The following RNF167 variants were observed in gnomAD, a reference collection of about 807,000 sequenced individuals.
The protein encoded by RNF167 is E3 ubiquitin-protein ligase RNF167.
A neutral mutation model predicts 34.8 loss-of-function variants in RNF167; 19 were observed. The ratio of observed to expected loss-of-function variants is 0.55; its 90% confidence interval spans 0.38 to 0.80. RNF167 has a LOEUF of 0.80. Among genes scored for constraint, RNF167 ranks in the 30% least tolerant of loss-of-function variants. RNF167 has a pLI of 0.00. For synonymous variants in RNF167, 200 were observed against 170.4 expected, an observed-to-expected ratio of 1.17 and a Z score of -1.35; for missense variants, 464 against 447.0, an observed-to-expected ratio of 1.04 and a Z score of -0.34.
chr17:4,944,486 A>G, intron 8 of RNF167, 72 bp from the exon 9 acceptor site: 1 of 1,510,292 alleles, frequency 6.6e-7, no homozygotes, highest in Non-Finnish European at 8.8e-7. Context: ...AAATTTTTGC[A>G]AGGCTTTAAA....
chr17:4,940,134 G>C, upstream of RNF167: 1 of 423,238 alleles, frequency 2.4e-6, no homozygotes, highest in Non-Finnish European at 4.1e-6. Flanking sequence ...GAGAAGGGGC[G>C]TAACTGATTT....
rs201846525 is a variant in RNF167 at position 4,942,907 on chromosome 17, G to A, written c.436G>A (p.Glu146Lys). The change falls in exon 6 of 10, where the codon GAG becomes AAG. Residue 146 changes from glutamate (E) to lysine (K), a missense_variant. Transcript: ENST00000262482. Reference protein sequence around the residue: ...PSVFIGERSSEYLRALFVYEK... With the variant: ...PSVFIGERSSKYLRALFVYEK... ...TGTATTTATTGGGGAGAGAAGCTCCGAGTACCTGCGTGCCCTCTTTGTCTA... is the reference window on the plus strand; with the variant it reads ...TGTATTTATTGGGGAGAGAAGCTCCAAGTACCTGCGTGCCCTCTTTGTCTA... 8.2e-5 allele frequency: 132 copies of A among 1,614,142 alleles called. No homozygotes were observed. The highest frequency in any genetic ancestry group is 3.1e-4 in the East Asian group (14 of 44,882).
In RNF167 at chr17:4,942,906, C is replaced by A. The variant is rs138467394; in HGVS notation, c.435C>A (p.Ser145=). The change falls in exon 6 of 10, where the codon TCC becomes TCA. Residue 145 remains serine, a synonymous_variant. Coordinates refer to ENST00000262482, the MANE Select transcript of RNF167 (RefSeq NM_015528.3). ...IPSVFIGERS[S]EYLRALFVYE... ...CTGTATTTATTGGGGAGAGAAGCTCCGAGTACCTGCGTGCCCTCTTTGTCT... is the reference window on the plus strand; with the variant it reads ...CTGTATTTATTGGGGAGAGAAGCTCAGAGTACCTGCGTGCCCTCTTTGTCT... 2.5e-6 allele frequency: 4 copies of A among 1,614,118 alleles called. No individual in the cohort carries two copies. In the South Asian group the frequency reaches 4.4e-5, roughly 18 times the overall value.
chr17:4,944,573 T>A lies in RNF167; in HGVS notation c.686T>A (p.Val229Asp), dbSNP rs1971191006. The change falls in exon 9 of 10, where the codon GTC (valine) becomes GAC (aspartate). Residue 229 changes from valine (V) to aspartate (D), a missense_variant. Coordinates refer to ENST00000262482, the MANE Select transcript of RNF167 (RefSeq NM_015528.3). ...HDYQKGDQYDVCAICLDEYED... is the reference protein window; with the variant it reads ...HDYQKGDQYDDCAICLDEYED... ...TCTGTCCCAGGAGACCAGTATGATGTCTGTGCCATTTGCCTGGATGAATAT... is the reference window on the plus strand; with the variant it reads ...TCTGTCCCAGGAGACCAGTATGATGACTGTGCCATTTGCCTGGATGAATAT... The A allele has an allele frequency of 6.2e-7, 1 of 1,605,000 alleles. No individual in the cohort carries two copies. Among genetic ancestry groups the A allele is most frequent in the Non-Finnish European group, 8.5e-7 (1 of 1,175,414 alleles).
rs753080925 is a variant in RNF167, at chr17:4,940,830, G to T, written c.-80G>T. 76 of 1,327,674 alleles carry T rather than the reference G, an allele frequency of 5.7e-5. 1 individual carries two copies. The highest frequency in any genetic ancestry group is 5.5e-5 in the Non-Finnish European group (54 of 974,608). The allele number at this position is 1,327,674 out of a possible 1,614,324, so 82.2% of individuals were successfully genotyped here. A position where few individuals can be genotyped will look rare whatever the true frequency, so the allele number is the denominator to read the frequency against. On this transcript the variant is annotated 5_prime_UTR_variant, in exon 2 of 10. Transcript: ENST00000262482. Reference sequence around the variant, plus strand: ...TGGACCCCTGGGATCCTAAAGGAGGGGCAGGGAGGGCGCAGAACTCCGCTT... The same window carrying T: ...TGGACCCCTGGGATCCTAAAGGAGGTGCAGGGAGGGCGCAGAACTCCGCTT...
intron 8 of RNF167, among the ~76,000 whole-genome samples, chr17:4,943,883 T>C (rs1479031825): frequency 6.6e-6 from 1 of 152,068 alleles, no homozygotes; most frequent in East Asian, 1.9e-4. Context: ...TCCCAGCTAA[T>C]TGGGAGACTG....
chr17:4,940,869 C>T lies in RNF167; in HGVS notation c.-41C>T. On this transcript the variant is annotated 5_prime_UTR_variant, in exon 2 of 10. Transcript: ENST00000262482. ...AGAACTCCGCTTCTGCTCCTTGCTA[C>T]CAGGACGCGCGGCCTCCTCAGCCTC... 1 of 1,512,866 alleles carries T rather than the reference C, an allele frequency of 6.6e-7. No homozygotes were observed. The highest frequency in any genetic ancestry group is 8.9e-7 in the Non-Finnish European group (1 of 1,123,988). The allele number at this position is 1,512,866 out of a possible 1,614,324, so 93.7% of individuals were successfully genotyped here.
At position 4,944,982 on chromosome 17, in the gene RNF167, T is replaced by C. The variant is rs1395935097; in HGVS notation, c.1019T>C (p.Leu340Pro). ...VFPGPSTDPP[L>P]SPPSSPVILV ...CCTGGGCCTTCAACAGATCCCCCAC[T>C]GTCCCCTCCCTCTTCCCCTGTTATC... Residue 340 changes from leucine to proline, a missense_variant, in exon 10 of 10, where the codon CTG (leucine) becomes CCG (proline). By Grantham distance (98) the Leu-to-Pro change is moderately conservative. Transcript: ENST00000262482. 1.3e-6 allele frequency: 2 copies of C among 1,580,700 alleles called. No homozygotes were observed. Among genetic ancestry groups the C allele is most frequent in the Admixed American group, 1.8e-5 (1 of 55,156 alleles).
chr17:4,944,388 CCTT>C, intron 8 of RNF167, 167 bp from the exon 9 acceptor site: 1 of 1,353,450 alleles, frequency 7.4e-7, no homozygotes, highest in Non-Finnish European at 9.5e-7. Context: ...TTTGCTTGTC[CCTT>C]CTAGCCCTAA....
rs1971277939 is a variant in RNF167, at chr17:4,945,027, C to G, written c.*11C>G. On this transcript the variant is annotated 3_prime_UTR_variant, in exon 10 of 10. Transcript: ENST00000262482. Reference sequence around the variant, plus strand: ...GTTATCCTGGTCTAATAACCCCCCACACATACACCTCTGGTGACCTATTTG... The same window carrying G: ...GTTATCCTGGTCTAATAACCCCCCAGACATACACCTCTGGTGACCTATTTG... 6.6e-7 allele frequency: 1 copy of G among 1,524,796 alleles called. No individual in the cohort carries two copies. The highest frequency in any genetic ancestry group is 1.4e-5 in the African/African-American group (1 of 71,892). The allele number at this position is 1,524,796 out of a possible 1,614,324, so 94.5% of individuals were successfully genotyped here. A position where few individuals can be genotyped will look rare whatever the true frequency, so the allele number is the denominator to read the frequency against.
intron 8 of RNF167, 102 bp from the exon 9 acceptor site, chr17:4,944,456 C>T: frequency 6.7e-7 from 1 of 1,500,948 alleles, no homozygotes; most frequent in Non-Finnish European, 8.9e-7. Context: ...ATCTCTTCCA[C>T]TGGCTTTGTA....
intron 5 of RNF167, 29 bp from the exon 6 acceptor site, chr17:4,942,822 T>G: frequency 6.2e-7 from 1 of 1,608,342 alleles, no homozygotes; most frequent in Non-Finnish European, 8.5e-7. Context: ...AGGTTGTGAG[T>G]CCCCAGAGTA....
chr17:4,943,015 A>C (rs545446853), intron 6 of RNF167, 74 bp downstream of exon 6: 68 of 1,446,656 alleles, frequency 4.7e-5, no homozygotes, highest in African/African-American at 2.4e-4. Context: ...AGGCCTCCTC[A>C]TTACCCGAAC....
Position 4,943,112 on chromosome 17 carries a change from A to G in RNF167, c.471-67A>G, listed in dbSNP as rs529667238. 53 of 1,436,414 alleles carry G rather than the reference A, an allele frequency of 3.7e-5. No individual in the cohort carries two copies. In the East Asian group the frequency reaches 7.8e-4, roughly 21 times the overall value. 89.0% of individuals were successfully genotyped at this position (1,436,414 alleles called of 1,614,324 possible). A position where few individuals can be genotyped will look rare whatever the true frequency, so the allele number is the denominator to read the frequency against. On this transcript the variant is annotated intron_variant, in intron 6 of 9. Transcript: ENST00000262482. ...CTATGGGCTTTGTCCAGAGCCAGTTACTTTGTCCCTCTTTTTTTCTCCCTT... is the reference window on the plus strand; with the variant it reads ...CTATGGGCTTTGTCCAGAGCCAGTTGCTTTGTCCCTCTTTTTTTCTCCCTT...
In RNF167 at chr17:4,942,670, G is replaced by C. The variant is rs753616816; in HGVS notation, c.379+6G>C. ...GAACATGGTGTGGAATAGTGGTAAG[G>C]CTGGGGGAATCTATACAGCTGGGCT... On this transcript the variant is annotated splice_donor_region_variant and intron_variant, in intron 5 of 9. Coordinates refer to ENST00000262482, the MANE Select transcript of RNF167 (RefSeq NM_015528.3). The C allele has an allele frequency of 6.2e-7, 1 of 1,613,984 alleles. No individual in the cohort carries two copies. Among genetic ancestry groups the C allele is most frequent in the African/African-American group, 1.3e-5 (1 of 75,042 alleles).
rs1567654711 is a variant in RNF167 at position 4,940,672 on chromosome 17, T to G, written c.-238T>G. The G allele has an allele frequency of 7.2e-6, 3 of 418,904 alleles. No homozygotes were observed. The highest frequency in any genetic ancestry group is 6.1e-5 in the African/African-American group (3 of 48,936). The allele number at this position is 418,904 out of a possible 1,614,324, so 25.9% of individuals were successfully genotyped here. A position where few individuals can be genotyped will look rare whatever the true frequency, so the allele number is the denominator to read the frequency against. On this transcript the variant is annotated 5_prime_UTR_variant, in exon 2 of 10. Transcript: ENST00000262482. Reference sequence around the variant, plus strand: ...GGCTCCGTCCCCTTTCCGCGTTTTATCCCCGTACCAGAAAAGGATACATTT... The same window carrying G: ...GGCTCCGTCCCCTTTCCGCGTTTTAGCCCCGTACCAGAAAAGGATACATTT...
At chr17:4,944,430 C>G (rs1971170108) in intron 8 of RNF167, 128 bp from the exon 9 acceptor site, 1 of 1,458,510 alleles carries the variant, frequency 6.9e-7, no homozygotes, top group Non-Finnish European at 9.0e-7. Context: ...CTGACCTTAT[C>G]CTGCCTACCT....
At chr17:4,944,328 CA>C in intron 8 of RNF167, 2 of 1,038,464 alleles carry the variant, frequency 1.9e-6, no homozygotes, top group Non-Finnish European at 2.5e-6. Context: ...TCCCTATCTC[CA>C]CCCTCACACC....
chr17:4,943,636 A>G (rs901085576), intron 8 of RNF167, 117 bp downstream of exon 8: 3 of 834,824 alleles, frequency 3.6e-6, no homozygotes, highest in Non-Finnish European at 5.9e-6. Context: ...TGGCTCACGT[A>G]ATCCCAAGTG....
Sources: gnomAD v4.1 joint callset for allele counts (sites outside exome capture counted in the v4.1 genomes callset) on GRCh38, gnomAD v4.1.1 for gene constraint, MANE v1.5 for transcripts, NCBI Gene and HGNC (gene_info 2026-07-23, HGNC 2026-07-21) for gene names.